The following ADGRL2 variants were observed in gnomAD, a reference collection of about 807,000 sequenced individuals.
ADGRL2 encodes calcium-independent alpha-latrotoxin receptor 2.
In ADGRL2, 44 loss-of-function variants were observed where a neutral mutation model predicts 157.4. The ratio of observed to expected loss-of-function variants is 0.28; its 90% confidence interval spans 0.22 to 0.36. The LOEUF is 0.36. ADGRL2 is among the 10% of genes least tolerant of loss of function. The pLI is 1.00. For missense variants in ADGRL2, 1,510 were observed against 1,768.9 expected (o/e 0.85, Z 2.63); for synonymous variants, 585 against 624.7 (o/e 0.94, Z 0.95).
intron 1 of ADGRL2, among the ~76,000 whole-genome samples, chr1:81,700,248 C>T (rs1052874755): frequency 6.6e-6 from 1 of 152,150 alleles, no homozygotes; most frequent in Admixed American, 6.5e-5. Flanking sequence ...TTCAGAGGAA[C>T]GGAGAAACCA....
At chr1:81,352,293 G>C (rs1662956679) in intron 1 of ADGRL2, among the ~76,000 whole-genome samples, 2 of 152,202 alleles carry the variant, frequency 1.3e-5, no homozygotes, top group African/African-American at 4.8e-5. Flanking sequence ...GGCCACACCT[G>C]AGTTTTAGTT....
intron 1 of ADGRL2, among the ~76,000 whole-genome samples, chr1:81,702,781 G>C (rs1288214846): frequency 1.3e-5 from 2 of 152,068 alleles, no homozygotes; most frequent in Non-Finnish European, 2.9e-5. Flanking sequence ...ACATCTTAAG[G>C]GCTTTTGCCT....
At chr1:81,331,372 G>A (rs1299527235) in intron 1 of ADGRL2, among the ~76,000 whole-genome samples, 1 of 151,980 alleles carries the variant, frequency 6.6e-6, no homozygotes, top group Non-Finnish European at 1.5e-5. Flanking sequence ...ACCCTTTGGG[G>A]GTATGTTACG....
chr1:81,502,097 G>A, intron 2 of ADGRL2: 1 of 1,595,910 alleles, frequency 6.3e-7, no homozygotes, highest in Non-Finnish European at 8.5e-7. Flanking sequence ...CGGGGATGAT[G>A]AAGTTGCAGA....
In ADGRL2 at chr1:81,993,575, C is replaced by T. The variant is rs765852515; in HGVS notation, c.*2430C>T. Among the ~76,000 whole-genome samples, 2 of 152,134 alleles carry T rather than the reference C, an allele frequency of 1.3e-5. No individual in the cohort carries two copies. Among genetic ancestry groups the T allele is most frequent in the Non-Finnish European group, 2.9e-5 (2 of 68,032 alleles). ...CCTATGGATTCAATTTGGAAGCCAT[C>T]ATTGATCTTTGGCATCAAAAGAAAA... On this transcript the variant is annotated 3_prime_UTR_variant, in exon 24 of 24. Transcript: ENST00000686636.
intron 3 of ADGRL2, among the ~76,000 whole-genome samples, chr1:81,611,817 T>A (rs917542099): frequency 1.1e-4 from 16 of 152,112 alleles, no homozygotes; most frequent in African/African-American, 2.9e-4. Flanking sequence ...CCCCACGTGT[T>A]GAGGAAGGGA....
At chr1:81,804,284 CTGT>C (rs768883320) in intron 1 of ADGRL2, among the ~76,000 whole-genome samples, 52 of 152,162 alleles carry the variant, frequency 3.4e-4, no homozygotes, top group Non-Finnish European at 6.8e-4. Context: ...AACAAATGTT[CTGT>C]TGTTTAGTTT....
At chr1:81,912,291 C>T (rs889134417) in intron 3 of ADGRL2, among the ~76,000 whole-genome samples, 8 of 151,944 alleles carry the variant, frequency 5.3e-5, no homozygotes, top group African/African-American at 1.4e-4. Context: ...AGGATGGTCT[C>T]GAACTCTTGG....
intron 1 of ADGRL2, among the ~76,000 whole-genome samples, chr1:81,328,753 C>T (rs1388663423): frequency 6.6e-6 from 1 of 151,962 alleles, no homozygotes; most frequent in Non-Finnish European, 1.5e-5. Context: ...GTATCTTTAT[C>T]CACCTAGTGC....
intron 1 of ADGRL2, among the ~76,000 whole-genome samples, chr1:81,757,337 G>A (rs1198254628): frequency 6.6e-6 from 1 of 151,984 alleles, no homozygotes; most frequent in Non-Finnish European, 1.5e-5. Context: ...GGCCTGAGAG[G>A]GACCCTGTAC....
intron 1 of ADGRL2, among the ~76,000 whole-genome samples, chr1:81,344,559 A>T (rs1662322202): frequency 6.7e-6 from 1 of 149,676 alleles, no homozygotes; most frequent in Non-Finnish European, 1.5e-5. Context: ...TCAACTACTC[A>T]GGAGGCTGAG....
intron 3 of ADGRL2, among the ~76,000 whole-genome samples, chr1:81,932,148 A>G (rs563827661): frequency 1.7e-4 from 26 of 152,322 alleles, no homozygotes; most frequent in African/African-American, 5.8e-4. Context: ...TTAATGACAT[A>G]CTTCTGTAGA....
chr1:81,648,897 G>A (rs1340594154), intron 3 of ADGRL2, among the ~76,000 whole-genome samples: 1 of 152,166 alleles, frequency 6.6e-6, no homozygotes, highest in Admixed American at 6.5e-5. Context: ...TTACTGTACA[G>A]GACAAGTGTC....
At chr1:81,932,854 T>C (rs1439122461) in intron 3 of ADGRL2, among the ~76,000 whole-genome samples, 1 of 152,064 alleles carries the variant, frequency 6.6e-6, no homozygotes, top group Non-Finnish European at 1.5e-5. Flanking sequence ...CCACCATGCA[T>C]GCCTGCGTGG....
chr1:81,681,054 T>A (rs1267966312), intron 3 of ADGRL2, among the ~76,000 whole-genome samples: 1 of 152,254 alleles, frequency 6.6e-6, no homozygotes, highest in Non-Finnish European at 1.5e-5. Context: ...GGATCAAGAA[T>A]GAGCCCTTTG....
intron 1 of ADGRL2, among the ~76,000 whole-genome samples, chr1:81,391,698 C>A (rs755806792): frequency 6.6e-6 from 1 of 151,788 alleles, no homozygotes; most frequent in Non-Finnish European, 1.5e-5. Flanking sequence ...ACAATTTAGC[C>A]ACTTACACTT....
rs548295703 is a variant in ADGRL2, at chr1:81,525,442, C to G, written c.-247-55434C>G. ...AAGCGATTCTCATGCCTCAGCCTCC[C>G]GAACAGCTGGGATTGCAGGCGTGTG... On this transcript the variant is annotated intron_variant, in intron 2 of 24. Coordinates refer to the ADGRL2 transcript ENST00000370721. 4.6e-5 allele frequency among the ~76,000 whole-genome samples: 7 copies of G among 152,196 alleles called. No individual in the cohort carries two copies. The South Asian group carries it at 1.2e-3, about 27-fold the overall frequency.
At chr1:81,658,317 A>T (rs921938528) in intron 3 of ADGRL2, among the ~76,000 whole-genome samples, 2 of 151,290 alleles carry the variant, frequency 1.3e-5, no homozygotes, top group Non-Finnish European at 2.9e-5. Flanking sequence ...CTGGTCTTGA[A>T]CTCCTGACCT....
At chr1:81,851,930 T>A (rs192870699) in intron 2 of ADGRL2, among the ~76,000 whole-genome samples, 59 of 152,068 alleles carry the variant, frequency 3.9e-4, no homozygotes, top group African/African-American at 9.6e-4. Flanking sequence ...GGATTTTTTT[T>A]ATATATTAAT....
Sources: allele counts gnomAD v4.1 joint callset (sites outside exome capture counted in the v4.1 genomes callset), GRCh38; gene constraint gnomAD v4.1.1; transcripts MANE v1.5; gene names NCBI Gene and HGNC (gene_info 2026-07-23, HGNC 2026-07-21).